The following GLS variants were observed in gnomAD, a reference collection of about 807,000 sequenced individuals.
GLS encodes the protein glutaminase.
Under a neutral mutation model 86.7 loss-of-function variants are expected in GLS, and 36 were observed. The ratio of observed to expected loss-of-function variants is 0.42; its 90% CI spans 0.32 to 0.55. GLS has a LOEUF of 0.55. Ranked by LOEUF, GLS falls within the 20% of genes least tolerant of loss-of-function variation. The pLI is 0.17. For missense variants in GLS, 528 were observed against 833.4 expected (o/e 0.63, Z 4.51); for synonymous variants, 317 against 305.9 (o/e 1.04, Z -0.38).
At chr2:190,933,917 A>G in intron 14 of GLS, 3 of 915,906 alleles carry the variant, frequency 3.3e-6, no homozygotes, top group Non-Finnish European at 3.9e-6. Flanking sequence ...AAATCCTTTT[A>G]TTTGGTATAA....
rs1487573399 is a variant in GLS, at chr2:190,951,096, G to A, written c.1651-2469G>A. Reference sequence around the variant, plus strand: ...AGAGGAATAGATGAATTCTTTGAGGGACATTATATTGAAAAACAAGAAGAT... The same window carrying A: ...AGAGGAATAGATGAATTCTTTGAGGAACATTATATTGAAAAACAAGAAGAT... On this transcript the variant is annotated intron_variant, in intron 14 of 17. Coordinates refer to ENST00000320717, the MANE Select transcript of GLS (RefSeq NM_014905.5). The surrounding 1 kb of genome is among the most constrained non-coding windows in gnomAD (Gnocchi z 4.2). 2.0e-5 allele frequency among the ~76,000 whole-genome samples: 3 copies of A among 152,132 alleles called. No individual in the cohort carries two copies. The highest frequency in any genetic ancestry group is 7.2e-5 in the African/African-American group (3 of 41,426).
intron 1 of GLS, among the ~76,000 whole-genome samples, chr2:190,884,537 A>G (rs1688311461): frequency 6.6e-6 from 1 of 152,228 alleles, no homozygotes; most frequent in Non-Finnish European, 1.5e-5. Context: ...GGACATTTTT[A>G]TCATACTTTT....
intron 7 of GLS, among the ~76,000 whole-genome samples, chr2:190,911,313 C>T (rs1349481681): frequency 6.6e-6 from 1 of 151,958 alleles, no homozygotes; most frequent in African/African-American, 2.4e-5. Flanking sequence ...CCTTTCTTAA[C>T]TTTTAAGAGT....
Position 190,943,458 on chromosome 2 carries a change from C to G in GLS, c.1651-10107C>G, listed in dbSNP as rs1326751277. Among the ~76,000 whole-genome samples, 2 of 151,910 alleles carry G rather than the reference C, an allele frequency of 1.3e-5. No homozygotes were observed. Among genetic ancestry groups the G allele is most frequent in the African/African-American group, 4.8e-5 (2 of 41,374 alleles). On this transcript the variant is annotated intron_variant, in intron 14 of 17. Transcript: ENST00000320717. This position sits in a 1 kb window ranked among gnomAD's most constrained non-coding sequence, Gnocchi z 4.5. ...GAGGCTTCCACTAGGGAAAGGTGGC[C>G]AGAGAAGAGAAAATCCAGCATAGTG...
chr2:190,906,109 G>GCTA (rs955068537), intron 6 of GLS, among the ~76,000 whole-genome samples: 4 of 151,946 alleles, frequency 2.6e-5, no homozygotes, highest in African/African-American at 9.7e-5. Context: ...TTATTCTGAT[G>GCTA]CTACGTTTGG....
rs1487453729 is a variant in GLS at position 190,951,353 on chromosome 2, T to C, written c.1651-2212T>C. ...GGTAATTTTCAGGGAATTAAAAATA[T>C]ACTTTCAGGAAATAAGCGCTGAAGG... On this transcript the variant is annotated intron_variant, in intron 14 of 17. Coordinates refer to ENST00000320717, the MANE Select transcript of GLS (RefSeq NM_014905.5). The surrounding 1 kb of genome is among the most constrained non-coding windows in gnomAD (Gnocchi z 4.2). 6.6e-6 allele frequency among the ~76,000 whole-genome samples: 1 copy of C among 152,100 alleles called. No homozygotes were observed. Among genetic ancestry groups the C allele is most frequent in the Non-Finnish European group, 1.5e-5 (1 of 68,012 alleles).
chr2:190,916,670 T>TG (rs1226946397), intron 7 of GLS, among the ~76,000 whole-genome samples: 1 of 152,030 alleles, frequency 6.6e-6, no homozygotes, highest in African/African-American at 2.4e-5. Context: ...TGAGGAAGTA[T>TG]GGGGGAGAAA....
intron 6 of GLS, among the ~76,000 whole-genome samples, chr2:190,908,135 C>T (rs1689226912): frequency 6.6e-6 from 1 of 152,124 alleles, no homozygotes; most frequent in East Asian, 1.9e-4. Context: ...AGAATATTTT[C>T]TCTATATCTA....
chr2:190,895,926 GT>G lies in GLS; in HGVS notation c.605+203del. The G allele has an allele frequency of 2.8e-6, 1 of 357,158 alleles. No individual in the cohort carries two copies. The allele number at this position is 357,158 out of a possible 1,614,324, so 22.1% of individuals were successfully genotyped here. A position where few individuals can be genotyped will look rare whatever the true frequency, so the allele number is the denominator to read the frequency against. On this transcript the variant is annotated intron_variant, in intron 3 of 17. Coordinates refer to ENST00000320717, the MANE Select transcript of GLS (RefSeq NM_014905.5). This position sits in a 1 kb window ranked among gnomAD's most constrained non-coding sequence, Gnocchi z 4.2. ...CTAAGAGTATTCTTTCTTTAAATCT[GT>G]TCTAAGCAAATTTAGCCACCGATGT... is the stretch of plus-strand genomic sequence containing the variant.
In GLS at chr2:190,904,943, A is replaced by G; in HGVS notation, c.816-61A>G. On this transcript the variant is annotated intron_variant, in intron 5 of 17. Transcript: ENST00000320717. The stretch of plus-strand genomic sequence containing the variant: ...TTAACATGTAAAAAGAATAATTCCA[A>G]CTATGCAGTTACATTTTTTTCCCAG... 10 of 934,670 alleles carry G rather than the reference A, an allele frequency of 1.1e-5. No homozygotes were observed. In the Admixed American group the frequency reaches 1.8e-4, roughly 17 times the overall value. The allele number at this position is 934,670 out of a possible 1,614,324, so 57.9% of individuals were successfully genotyped here. A position where few individuals can be genotyped will look rare whatever the true frequency, so the allele number is the denominator to read the frequency against.
chr2:190,895,858 G>T lies in GLS; in HGVS notation c.605+133G>T. On this transcript the variant is annotated intron_variant, in intron 3 of 17. Coordinates refer to ENST00000320717, the MANE Select transcript of GLS (RefSeq NM_014905.5). This position sits in a 1 kb window ranked among gnomAD's most constrained non-coding sequence, Gnocchi z 4.2. ...AAAAGGGGATTTATAAACATCATTT[G>T]TTTGAAGAACTTGGTACATATTAGG... 1 of 621,476 alleles carries T rather than the reference G, an allele frequency of 1.6e-6. No individual in the cohort carries two copies. The allele number at this position is 621,476 out of a possible 1,614,324, so 38.5% of individuals were successfully genotyped here.
chr2:190,917,298 A>G (rs566764878), intron 7 of GLS, among the ~76,000 whole-genome samples: 1 of 152,320 alleles, frequency 6.6e-6, no homozygotes, highest in South Asian at 2.1e-4. Flanking sequence ...TTCACTCATG[A>G]GAAGCAACTC....
At chr2:190,910,830 G>A in intron 7 of GLS, among the ~76,000 whole-genome samples, 1 of 150,308 alleles carries the variant, frequency 6.7e-6, no homozygotes, top group East Asian at 1.9e-4. Flanking sequence ...ATTGGAACTT[G>A]TTTCATTTGG....
rs893895935 is a variant in GLS, at chr2:190,897,209, G to C, written c.605+1484G>C. ...TGCCTGGCTTTTTTGTATTTTTAGT[G>C]AGACGGGGTTTCACCACGTTGTCCA... is the stretch of plus-strand genomic sequence containing the variant. On this transcript the variant is annotated intron_variant, in intron 3 of 17. Transcript: ENST00000320717. This position sits in a 1 kb window ranked among gnomAD's most constrained non-coding sequence, Gnocchi z 4.3. Among the ~76,000 whole-genome samples the C allele has an allele frequency of 4.6e-5, 7 of 151,912 alleles. No homozygotes were observed. Among genetic ancestry groups the C allele is most frequent in the African/African-American group, 1.7e-4 (7 of 41,368 alleles).
intron 1 of GLS, among the ~76,000 whole-genome samples, chr2:190,884,742 G>A (rs953949217): frequency 6.6e-6 from 1 of 152,212 alleles, no homozygotes; most frequent in Non-Finnish European, 1.5e-5. Context: ...ACCAGCATAT[G>A]TATGTTGTTA....
chr2:190,884,211 A>T (rs1688301353), intron 1 of GLS, among the ~76,000 whole-genome samples: 2 of 152,000 alleles, frequency 1.3e-5, no homozygotes, highest in African/African-American at 4.8e-5. Context: ...TCCCTTTCCC[A>T]CTTGTCTGCC....
rs1688134803 is a variant in GLS, at chr2:190,881,030, C to G, written c.-55C>G. 6.6e-7 allele frequency: 1 copy of G among 1,516,822 alleles called. No individual in the cohort carries two copies. Among genetic ancestry groups the G allele is most frequent in the Non-Finnish European group, 8.8e-7 (1 of 1,135,476 alleles). 94.0% of individuals were successfully genotyped at this position (1,516,822 alleles called of 1,614,324 possible). On this transcript the variant is annotated 5_prime_UTR_variant, in exon 1 of 18. Coordinates refer to ENST00000320717, the MANE Select transcript of GLS (RefSeq NM_014905.5). ...GACCGCGTTCCCCGAGGAAACCGGCCGCCCACGCCCGGAGCATCCTCCCCT... is the reference window on the plus strand; with the variant it reads ...GACCGCGTTCCCCGAGGAAACCGGCGGCCCACGCCCGGAGCATCCTCCCCT...
Position 190,960,533 on chromosome 2 carries a change from T to TTATG in GLS, c.1854-2294_1854-2293insGTAT, listed in dbSNP as rs533753844. Among the ~76,000 whole-genome samples, 195 of 99,044 alleles carry TTATG rather than the reference T, an allele frequency of 2.0e-3. 1 individual carries two copies. The highest frequency in any genetic ancestry group is 6.2e-3 in the African/African-American group (186 of 29,862). The allele number at this position is 99,044 out of a possible 152,430, so 65.0% of individuals were successfully genotyped here. A position where few individuals can be genotyped will look rare whatever the true frequency, so the allele number is the denominator to read the frequency against. On this transcript the variant is annotated intron_variant, in intron 17 of 17. Transcript: ENST00000320717. ...GCAAACACCACCATGCCTGGCTAAT[T>TTATG]TATTTATTTATTTTTTATTTTTTGT...
At chr2:190,916,383 T>A (rs1689535102) in intron 7 of GLS, among the ~76,000 whole-genome samples, 1 of 152,320 alleles carries the variant, frequency 6.6e-6, no homozygotes, top group South Asian at 2.1e-4. Context: ...ATGGATTTTT[T>A]ATCATTTTTA....
Sources: allele counts gnomAD v4.1 joint callset (sites outside exome capture counted in the v4.1 genomes callset), GRCh38; gene constraint gnomAD v4.1.1; non-coding constraint Gnocchi (gnomAD v3.1); transcripts MANE v1.5; gene names NCBI Gene and HGNC (gene_info 2026-07-23, HGNC 2026-07-21).